The following COL13A1 variants were observed in gnomAD, a reference collection of about 807,000 sequenced individuals.
The protein encoded by COL13A1 is collagen alpha-1(XIII) chain.
In COL13A1, 89 loss-of-function variants were observed where a neutral mutation model predicts 130.9. The ratio of observed to expected loss-of-function variants is 0.68; its 90% CI spans 0.57 to 0.81. The LOEUF is 0.81. COL13A1 is among the 30% of genes least tolerant of loss of function. The probability of loss-of-function intolerance (pLI) is 0.00; values close to 1 mark genes in which losing one functional copy is unlikely to be tolerated. For synonymous variants in COL13A1, 402 were observed against 341.6 expected (o/e 1.18, Z -1.95); for missense variants, 879 against 934.6 (o/e 0.94, Z 0.78).
Position 69,873,433 on chromosome 10 carries a change from C to T in COL13A1, c.399+1223C>T, listed in dbSNP as rs1028710120. The stretch of plus-strand genomic sequence containing the variant: ...CCAAGGAGGGGAAACATCAGATGAC[C>T]GAGGGGAATGTGGGCAGACTTTGTT... On this transcript the variant is annotated intron_variant, in intron 4 of 40. Coordinates refer to ENST00000645393, the MANE Select transcript of COL13A1 (RefSeq NM_001368882.1). 7.9e-5 allele frequency among the ~76,000 whole-genome samples: 12 copies of T among 152,184 alleles called. 1 individual carries two copies. Among genetic ancestry groups the T allele is most frequent in the Admixed American group, 3.3e-4 (5 of 15,290 alleles).
intron 7 of COL13A1, among the ~76,000 whole-genome samples, chr10:69,883,493 C>T (rs1478029535): frequency 2.0e-5 from 3 of 152,200 alleles, no homozygotes; most frequent in Non-Finnish European, 4.4e-5. Flanking sequence ...CTAGGTGCTG[C>T]GTAGAAACCT....
rs569880930 is a variant in COL13A1, at chr10:69,943,755, G to C, written c.1915-370G>C. ...TGAAGACCCTCCCGCTGCATGTGGA[G>C]CTGCAAAGCAAAGAGGGTGCCAGCC... On this transcript the variant is annotated intron_variant, in intron 35 of 40. Coordinates refer to ENST00000645393, the MANE Select transcript of COL13A1 (RefSeq NM_001368882.1). Among the ~76,000 whole-genome samples the C allele has an allele frequency of 5.9e-5, 9 of 152,268 alleles. No individual in the cohort carries two copies. The East Asian group carries it at 1.7e-3, about 30-fold the overall frequency.
At position 69,880,548 on chromosome 10, in the gene COL13A1, C is replaced by T. The variant is rs1377320139; in HGVS notation, c.508C>T (p.Pro170Ser). The change falls in exon 7 of 41, where the codon CCC becomes TCC. Residue 170 changes from proline (P) to serine (S), a missense_variant. Transcript: ENST00000645393. Reference protein sequence around the residue: ...AGLSIIGPRGPPGQPGTRGFP... With the variant: ...AGLSIIGPRGSPGQPGTRGFP... ...GCTGTCCATCATTGGTCCCCGCGGC[C>T]CCCCTGTAAGTTGTTTTTGCTCTTC... The T allele has an allele frequency of 8.1e-6, 13 of 1,613,336 alleles. No individual in the cohort carries two copies. In the South Asian group the frequency reaches 9.9e-5, roughly 12 times the overall value.
At chr10:69,951,176 C>T (rs2136299615) in intron 38 of COL13A1, among the ~76,000 whole-genome samples, 1 of 152,114 alleles carries the variant, frequency 6.6e-6, no homozygotes, top group East Asian at 1.9e-4. Context: ...CTGCCTTCCT[C>T]TAATGAACAT....
At position 69,802,361 on chromosome 10, in the gene COL13A1, G is replaced by A. The variant is rs984705296; in HGVS notation, c.-63G>A. On this transcript the variant is annotated 5_prime_UTR_variant, in exon 1 of 41. Coordinates refer to ENST00000645393, the MANE Select transcript of COL13A1 (RefSeq NM_001368882.1). The stretch of plus-strand genomic sequence containing the variant: ...CCCCGCAGTTTGGATAGAGCCTTTT[G>A]GCAGCGGCTGTCGCCTTTATTTATT... 7.2e-7 allele frequency: 1 copy of A among 1,386,750 alleles called. No individual in the cohort carries two copies. The highest frequency in any genetic ancestry group is 1.5e-5 in the African/African-American group (1 of 65,208). 85.9% of individuals were successfully genotyped at this position (1,386,750 alleles called of 1,614,324 possible).
chr10:69,869,987 A>C (rs1328344401), intron 3 of COL13A1, among the ~76,000 whole-genome samples: 1 of 152,186 alleles, frequency 6.6e-6, no homozygotes, highest in East Asian at 1.9e-4. Flanking sequence ...TAACATAGTG[A>C]TTATGAGCAT....
intron 2 of COL13A1, among the ~76,000 whole-genome samples, chr10:69,840,440 G>A (rs750992472): frequency 6.6e-6 from 1 of 152,208 alleles, no homozygotes; most frequent in African/African-American, 2.4e-5. Flanking sequence ...AGAGGGGCTG[G>A]ATGGAGGAGG....
At chr10:69,816,293 A>G (rs1191418529) in intron 1 of COL13A1, among the ~76,000 whole-genome samples, 1 of 150,016 alleles carries the variant, frequency 6.7e-6, no homozygotes, top group Non-Finnish European at 1.5e-5. Context: ...AATAGACATC[A>G]ATGATAATTG....
intron 21 of COL13A1, among the ~76,000 whole-genome samples, chr10:69,920,772 G>A (rs538828265): frequency 6.6e-6 from 1 of 152,272 alleles, no homozygotes; most frequent in East Asian, 1.9e-4. Context: ...CTTTGTTATG[G>A]CCGCCTGAGC....
chr10:69,931,649 C>T (rs922371319), intron 30 of COL13A1, among the ~76,000 whole-genome samples: 20 of 152,214 alleles, frequency 1.3e-4, no homozygotes, highest in Non-Finnish European at 1.9e-4. Flanking sequence ...GACCTGTCCA[C>T]TGCACCATGG....
At chr10:69,817,466 C>T (rs911761745) in intron 1 of COL13A1, among the ~76,000 whole-genome samples, 1 of 151,818 alleles carries the variant, frequency 6.6e-6, no homozygotes, top group South Asian at 2.1e-4. Context: ...TGTGAAAACT[C>T]CCAGGACAGT....
At chr10:69,811,991 C>T (rs1423008023) in intron 1 of COL13A1, among the ~76,000 whole-genome samples, 2 of 152,188 alleles carry the variant, frequency 1.3e-5, no homozygotes, top group African/African-American at 2.4e-5. Flanking sequence ...CTGCCCTCCC[C>T]AGCCCGAGCT....
At chr10:69,813,446 G>A (rs1216881513) in intron 1 of COL13A1, among the ~76,000 whole-genome samples, 1 of 152,174 alleles carries the variant, frequency 6.6e-6, no homozygotes, top group African/African-American at 2.4e-5. Context: ...CATAGAGCCT[G>A]GGGCCACATC....
intron 17 of COL13A1, among the ~76,000 whole-genome samples, chr10:69,906,706 TTTTG>T (rs943664885): frequency 2.1e-4 from 32 of 152,066 alleles, no homozygotes; most frequent in Admixed American, 2.6e-4. Flanking sequence ...TTTGTGGCCT[TTTTG>T]TTTGTTTGTT....
intron 24 of COL13A1, among the ~76,000 whole-genome samples, chr10:69,924,098 T>C (rs2065041048): frequency 6.6e-6 from 1 of 152,178 alleles, no homozygotes. Flanking sequence ...CCCGAGCCAT[T>C]GGTAAACGAG....
chr10:69,911,849 A>G lies in COL13A1; in HGVS notation c.922-5440A>G, dbSNP rs552683150. On this transcript the variant is annotated intron_variant, in intron 17 of 40. Coordinates refer to ENST00000645393, the MANE Select transcript of COL13A1 (RefSeq NM_001368882.1). The stretch of plus-strand genomic sequence containing the variant: ...AGTTGGGATGGTTTCAGGACTCCCA[A>G]TAAAGCCTGGAGGAGGCAGCTTGCC... 2.2e-4 allele frequency among the ~76,000 whole-genome samples: 34 copies of G among 152,364 alleles called. No homozygotes were observed. The East Asian group carries it at 5.4e-3, about 24-fold the overall frequency.
At chr10:69,906,850 C>A (rs2135262010) in intron 17 of COL13A1, among the ~76,000 whole-genome samples, 1 of 152,242 alleles carries the variant, frequency 6.6e-6, no homozygotes, top group South Asian at 2.1e-4. Flanking sequence ...CCTGCCTCAG[C>A]CTCCTGAGTA....
intron 22 of COL13A1, among the ~76,000 whole-genome samples, chr10:69,922,242 A>C (rs2064781962): frequency 6.6e-6 from 1 of 152,126 alleles, no homozygotes; most frequent in Non-Finnish European, 1.5e-5. Flanking sequence ...TAAAAATTAA[A>C]AAAAAAAAGA....
chr10:69,892,692 T>C (rs927893468), intron 10 of COL13A1, among the ~76,000 whole-genome samples: 4 of 152,322 alleles, frequency 2.6e-5, no homozygotes, highest in African/African-American at 9.6e-5. Context: ...GCCATGGCCC[T>C]TAAAGGGGCA....
Sources: gnomAD v4.1 joint callset for allele counts (sites outside exome capture counted in the v4.1 genomes callset) on GRCh38, gnomAD v4.1.1 for gene constraint, MANE v1.5 for transcripts, NCBI Gene and HGNC (gene_info 2026-07-23, HGNC 2026-07-21) for gene names.